The following FKBP11 variants were observed in gnomAD, a reference collection of about 807,000 sequenced individuals.
The protein encoded by FKBP11 is peptidyl-prolyl cis-trans isomerase FKBP11.
Under a neutral mutation model 24.7 loss-of-function variants are expected in FKBP11, and 21 were observed. The ratio of observed to expected loss-of-function variants is 0.85; its 90% CI spans 0.60 to 1.23. The LOEUF (loss-of-function observed/expected upper bound fraction) is 1.23. Among genes scored for constraint, FKBP11 ranks in the 50% most tolerant of loss-of-function variants. The pLI is 0.00. For missense variants in FKBP11, 245 were observed against 248.7 expected (o/e 0.99, Z 0.10); for synonymous variants, 106 against 100.6 (o/e 1.05, Z -0.32).
upstream of FKBP11, among the ~76,000 whole-genome samples, chr12:48,928,916 G>A (rs1205855681): frequency 3.6e-5 from 5 of 140,156 alleles, no homozygotes; most frequent in Non-Finnish European, 4.5e-5. Flanking sequence ...TCCGCCTCCC[G>A]GGTTCACGCC....
At position 48,924,270 on chromosome 12, in the gene FKBP11, A is replaced by C; in HGVS notation, c.284-14T>G. 1 of 1,614,160 alleles carries C rather than the reference A, an allele frequency of 6.2e-7. No individual in the cohort carries two copies. Among genetic ancestry groups the C allele is most frequent in the East Asian group, 2.2e-5 (1 of 44,880 alleles). Reference sequence around the variant, plus strand: ...TCTGCTCCAGACCTTGAAGAAGAAGACACAACTGAACTGGAAGCTATCCAC... The same window carrying C: ...TCTGCTCCAGACCTTGAAGAAGAAGCCACAACTGAACTGGAAGCTATCCAC... On this transcript the variant is annotated splice_polypyrimidine_tract_variant and intron_variant, in intron 3 of 5. Coordinates refer to ENST00000550765, the MANE Select transcript of FKBP11 (RefSeq NM_016594.3).
At chr12:48,935,621 T>C in the FKBP11 span, 3 of 152,222 alleles carry the variant, frequency 2.0e-5, no homozygotes, top group Non-Finnish European at 4.4e-5. Context: ...GTGGGATCTC[T>C]GGATGAGGCT....
At chr12:48,938,623 C>G in the FKBP11 span, 2 of 445,284 alleles carry the variant, frequency 4.5e-6, no homozygotes, top group Non-Finnish European at 8.9e-6. Flanking sequence ...GCAACCACTG[C>G]CAAACAAAGA....
chr12:48,922,044 T>A lies in FKBP11; in HGVS notation c.546A>T (p.Arg182Ser), dbSNP rs1488224165. 1 of 1,613,772 alleles carries A rather than the reference T, an allele frequency of 6.2e-7. No individual in the cohort carries two copies. The highest frequency in any genetic ancestry group is 1.3e-5 in the African/African-American group (1 of 74,924). The change falls in exon 6 of 6, where the codon AGA (arginine) becomes AGT (serine). Residue 182 changes from arginine (R) to serine (S), a missense_variant. Transcript: ENST00000550765. ...TGAGCTTCTTTTTGGAGACTTTGGG[T>A]CTATTGGCCTTTCTGTATAGGTGAT... is the stretch of plus-strand genomic sequence containing the variant. ...IGYHLYRKAN[R>S]PKVSKKKLKE...
upstream of FKBP11, chr12:48,926,563 G>C (rs914179441): frequency 8.1e-6 from 1 of 123,604 alleles, no homozygotes; most frequent in Non-Finnish European, 1.6e-5. Flanking sequence ...TTTTGCTCCT[G>C]TTGCCCAGGC....
At chr12:48,938,505 G>T in the FKBP11 span, 5 of 451,348 alleles carry the variant, frequency 1.1e-5, no homozygotes, top group Non-Finnish European at 2.2e-5. Flanking sequence ...AACACAGAGA[G>T]GCCCGTGCAA....
upstream of FKBP11, among the ~76,000 whole-genome samples, chr12:48,929,884 C>T (rs753350701): frequency 6.6e-6 from 1 of 152,222 alleles, no homozygotes; most frequent in Non-Finnish European, 1.5e-5. Flanking sequence ...TCCCTCCAGG[C>T]TAAGCTCAAA....
the FKBP11 span, among the ~76,000 whole-genome samples, chr12:48,934,345 T>A: frequency 2.0e-5 from 3 of 152,184 alleles, no homozygotes; most frequent in African/African-American, 7.2e-5. Context: ...TTGCCCAGAT[T>A]ATCCTGAAGT....
chr12:48,924,582 C>T lies in FKBP11; in HGVS notation c.262G>A (p.Gly88Ser). ...ATACCTGGAATCACCTGCTTTTGGC[C>T]AAGTTCTATAACCAGAGGGTCTCTG... ...LTRDPLVIELGQKQVIPGLEQ... is the reference protein window; with the variant it reads ...LTRDPLVIELSQKQVIPGLEQ... Residue 88 changes from glycine (G) to serine (S), a missense_variant, in exon 3 of 6, where the codon GGC becomes AGC. Transcript: ENST00000550765. 6.2e-7 allele frequency: 1 copy of T among 1,614,042 alleles called. No homozygotes were observed. The highest frequency in any genetic ancestry group is 1.3e-5 in the African/African-American group (1 of 74,992).
chr12:48,936,561 A>G, the FKBP11 span: 1 of 152,674 alleles, frequency 6.5e-6, no homozygotes, highest in South Asian at 2.1e-4. Context: ...TACTACCAAG[A>G]TCACTTACTG....
intron 3 of FKBP11, 97 bp from the exon 4 acceptor site, chr12:48,924,353 C>T (rs1939904480): frequency 6.8e-7 from 1 of 1,465,328 alleles, no homozygotes; most frequent in Non-Finnish European, 9.5e-7. Context: ...CTCAATTGAC[C>T]TTTCCCTCAC....
chr12:48,938,815 C>G, the FKBP11 span: 2 of 1,214,944 alleles, frequency 1.6e-6, no homozygotes, highest in Non-Finnish European at 2.3e-6. Context: ...AGGCAAGGCT[C>G]TTGCTGGGCA....
At chr12:48,923,997 AGCAAAGGTGTC>A (rs1939895280) in intron 4 of FKBP11, 145 bp from the exon 5 acceptor site, 11 of 924,398 alleles carry the variant, frequency 1.2e-5, no homozygotes, top group Non-Finnish European at 1.9e-5. Flanking sequence ...CAGGCTGGCC[AGCAAAGGTGTC>A]CATCTCCCCA....
chr12:48,922,593 G>C (rs1939860887), intron 5 of FKBP11: 1 of 998,324 alleles, frequency 1.0e-6, no homozygotes, highest in Non-Finnish European at 1.2e-6. Flanking sequence ...ATTTAAACTA[G>C]ACTTTAAAAA....
chr12:48,925,222 C>T (rs1418676172), intron 1 of FKBP11, 78 bp downstream of exon 1: 1 of 1,588,388 alleles, frequency 6.3e-7, no homozygotes, highest in Non-Finnish European at 8.6e-7. Context: ...TCCCGGCTCC[C>T]AGGTTCGCTG....
At chr12:48,928,197 A>G (rs1940004843), upstream of FKBP11, among the ~76,000 whole-genome samples, 1 of 151,376 alleles carries the variant, frequency 6.6e-6, no homozygotes, top group African/African-American at 2.4e-5. Flanking sequence ...GAGGCATGCC[A>G]CCACACCCGG....
intron 2 of FKBP11, 85 bp from the exon 3 acceptor site, chr12:48,924,733 G>A: frequency 1.3e-6 from 2 of 1,573,446 alleles, no homozygotes; most frequent in Non-Finnish European, 1.7e-6. Flanking sequence ...CCGCTGGGCG[G>A]CGGCAGCCCC....
upstream of FKBP11, among the ~76,000 whole-genome samples, chr12:48,929,858 CTTT>C (rs950360524): frequency 3.3e-5 from 5 of 152,340 alleles, no homozygotes; most frequent in African/African-American, 1.2e-4. Flanking sequence ...TCATACACTT[CTTT>C]TACCTGTCAA....
chr12:48,938,253 T>C, the FKBP11 span: 4 of 383,276 alleles, frequency 1.0e-5, no homozygotes, highest in African/African-American at 8.4e-5. Context: ...TGTCCTATCA[T>C]CCAGAAAAAC....
Sources: gnomAD v4.1 joint callset for allele counts (sites outside exome capture counted in the v4.1 genomes callset) on GRCh38, gnomAD v4.1.1 for gene constraint, MANE v1.5 for transcripts, NCBI Gene and HGNC (gene_info 2026-07-23, HGNC 2026-07-21) for gene names.